The following TOX variants were observed in gnomAD, a reference collection of about 807,000 sequenced individuals.
The protein encoded by TOX is thymocyte selection-associated high mobility group box protein TOX.
A neutral mutation model predicts 53.7 loss-of-function variants in TOX; 11 were observed. The observed-to-expected ratio is 0.20, with a 90% confidence interval of 0.13 to 0.34. TOX has a LOEUF of 0.34. Among genes scored for constraint, TOX ranks in the 10% least tolerant of loss-of-function variants. TOX has a pLI of 1.00. For synonymous variants in TOX, 225 were observed against 245.3 expected (o/e 0.92, Z 0.77); for missense variants, 570 against 664.6 (o/e 0.86, Z 1.56).
At chr8:58,988,294 A>G (rs940635882) in intron 1 of TOX, among the ~76,000 whole-genome samples, 2 of 152,222 alleles carry the variant, frequency 1.3e-5, no homozygotes, top group African/African-American at 4.8e-5. Flanking sequence ...TCCATAAACT[A>G]ATGGTCACAG....
chr8:59,058,826 T>C (rs1185271261), intron 1 of TOX, among the ~76,000 whole-genome samples: 3 of 152,184 alleles, frequency 2.0e-5, no homozygotes, highest in Admixed American at 6.5e-5. Context: ...TTTCTCTGTT[T>C]ACAATTAACA....
intron 2 of TOX, among the ~76,000 whole-genome samples, chr8:58,947,073 G>A (rs1295325898): frequency 2.6e-5 from 4 of 152,056 alleles, no homozygotes; most frequent in Non-Finnish European, 4.4e-5. Context: ...ATAATAAAAA[G>A]AATTGAATAT....
intron 6 of TOX, among the ~76,000 whole-genome samples, chr8:58,816,774 C>T (rs1012593034): frequency 3.3e-5 from 5 of 152,236 alleles, no homozygotes; most frequent in African/African-American, 9.6e-5. Flanking sequence ...GCAGGGAGAA[C>T]TGTGCCATGA....
chr8:58,915,075 C>T (rs1387091527), intron 3 of TOX, among the ~76,000 whole-genome samples: 8 of 148,838 alleles, frequency 5.4e-5, no homozygotes, highest in African/African-American at 1.7e-4. Context: ...TCGCTGATTG[C>T]TAGCACAGCA....
At chr8:58,822,387 G>A (rs191245860) in intron 6 of TOX, among the ~76,000 whole-genome samples, 1 of 152,132 alleles carries the variant, frequency 6.6e-6, no homozygotes, top group Admixed American at 6.5e-5. Flanking sequence ...AAATGACAGA[G>A]CCTAAAATTG....
intron 1 of TOX, among the ~76,000 whole-genome samples, chr8:58,963,726 G>A (rs1049907607): frequency 1.2e-4 from 19 of 152,122 alleles, no homozygotes; most frequent in African/African-American, 4.6e-4. Flanking sequence ...CTGTCTGCAG[G>A]CTCTGGGCTC....
rs534762644 is a variant in TOX at position 58,847,512 on chromosome 8, T to C, written c.693+4012A>G. Among the ~76,000 whole-genome samples the C allele has an allele frequency of 3.3e-5, 5 of 151,672 alleles. No individual in the cohort carries two copies. In the South Asian group the frequency reaches 6.3e-4, roughly 19 times the overall value. ...AATGTAATACATAGGGGCAAGGAAGTAGAAAATATGAAAAAGAGTCATGGA... is the reference window on the plus strand; with the variant it reads ...AATGTAATACATAGGGGCAAGGAAGCAGAAAATATGAAAAAGAGTCATGGA... On this transcript the variant is annotated intron_variant, in intron 4 of 8. Coordinates refer to ENST00000361421, the MANE Select transcript of TOX (RefSeq NM_014729.3).
intron 2 of TOX, among the ~76,000 whole-genome samples, chr8:58,956,835 C>T (rs1299288769): frequency 6.6e-6 from 1 of 152,146 alleles, no homozygotes; most frequent in Non-Finnish European, 1.5e-5. Flanking sequence ...AGGTTGGTCT[C>T]AAACCTGACC....
chr8:58,827,285 C>A (rs1810381620), intron 5 of TOX, among the ~76,000 whole-genome samples: 1 of 152,152 alleles, frequency 6.6e-6, no homozygotes. Context: ...ACAGCACATT[C>A]ACATCCTGAT....
At chr8:58,819,028 T>G (rs1294831952) in intron 6 of TOX, among the ~76,000 whole-genome samples, 3 of 152,248 alleles carry the variant, frequency 2.0e-5, no homozygotes, top group African/African-American at 7.2e-5. Flanking sequence ...AGACCATCTA[T>G]TAATTACAGA....
At position 59,110,845 on chromosome 8, in the gene TOX, C is replaced by T. The variant is rs77833758; in HGVS notation, c.102+8041G>A. ...CCGGAAAGGTTATCTCTTTGACTCT[C>T]TTCCTGAAAGAACCACTAGTCTACA... On this transcript the variant is annotated intron_variant, in intron 1 of 8. Coordinates refer to ENST00000361421, the MANE Select transcript of TOX (RefSeq NM_014729.3). Among the ~76,000 whole-genome samples the T allele has an allele frequency of 5.0e-3, 757 of 152,206 alleles. 9 individuals carry two copies. Among genetic ancestry groups the T allele is most frequent in the Admixed American group, 0.034 (523 of 15,288 alleles).
At chr8:59,082,390 A>G (rs553809103) in intron 1 of TOX, among the ~76,000 whole-genome samples, 2 of 152,376 alleles carry the variant, frequency 1.3e-5, no homozygotes, top group East Asian at 3.9e-4. Context: ...TCCTCGCATC[A>G]AATTGCACTG....
chr8:59,054,208 A>C (rs1170019157), intron 1 of TOX, among the ~76,000 whole-genome samples: 1 of 152,230 alleles, frequency 6.6e-6, no homozygotes, highest in African/African-American at 2.4e-5. Flanking sequence ...AATATCAATA[A>C]ATAATTTACA....
At chr8:58,848,659 A>G (rs2129167916) in intron 4 of TOX, among the ~76,000 whole-genome samples, 2 of 152,280 alleles carry the variant, frequency 1.3e-5, no homozygotes, top group South Asian at 4.1e-4. Flanking sequence ...TAGAACCACA[A>G]GCTGCCTAAG....
At chr8:58,996,576 T>C (rs929315924) in intron 1 of TOX, among the ~76,000 whole-genome samples, 3 of 152,240 alleles carry the variant, frequency 2.0e-5, no homozygotes, top group African/African-American at 7.2e-5. Flanking sequence ...TTTCTTTGTG[T>C]CCCTTAATAA....
In TOX at chr8:59,087,173, C is replaced by T. The variant is rs1389569810; in HGVS notation, c.102+31713G>A. ...ATATCTAAACTGAAAGACCTTTTCT[C>T]TAAAAGCATCAACAGTCGAGCACAT... On this transcript the variant is annotated intron_variant, in intron 1 of 8. Transcript: ENST00000361421. Among the ~76,000 whole-genome samples the T allele has an allele frequency of 2.6e-5, 4 of 152,300 alleles. No homozygotes were observed. In the East Asian group the frequency reaches 7.7e-4, roughly 29 times the overall value.
chr8:59,111,398 A>G (rs1044186057), intron 1 of TOX, among the ~76,000 whole-genome samples: 5 of 152,112 alleles, frequency 3.3e-5, no homozygotes, highest in African/African-American at 1.2e-4. Context: ...CTTAAAAGGG[A>G]GTGGTAACCA....
intron 1 of TOX, among the ~76,000 whole-genome samples, chr8:59,064,066 T>G (rs370968224): frequency 6.6e-6 from 1 of 152,076 alleles, no homozygotes; most frequent in Admixed American, 6.5e-5. Flanking sequence ...CTGGGATTAT[T>G]GAAGTGCTTG....
At chr8:58,889,212 C>CAAAAA (rs10556451) in intron 3 of TOX, among the ~76,000 whole-genome samples, 108 of 114,372 alleles carry the variant, frequency 9.4e-4, no homozygotes, top group Non-Finnish European at 1.1e-3. Context: ...TTTACAATAG[C>CAAAAA]AAAAAAAAAA....
Sources: gnomAD v4.1 joint callset for allele counts (sites outside exome capture counted in the v4.1 genomes callset) on GRCh38, gnomAD v4.1.1 for gene constraint, MANE v1.5 for transcripts, NCBI Gene and HGNC (gene_info 2026-07-23, HGNC 2026-07-21) for gene names.